Variants in MTUS2 observed in about 807,000 individuals in gnomAD.
The protein encoded by MTUS2 is microtubule associated scaffold protein 2, also known as microtubule-associated tumor suppressor candidate 2.
Under a neutral mutation model 114.1 loss-of-function variants are expected in MTUS2, and 40 were observed. The ratio of observed to expected loss-of-function variants is 0.35; its 90% CI spans 0.27 to 0.46. The LOEUF is 0.46. Among genes scored for constraint, MTUS2 ranks in the 20% least tolerant of loss-of-function variants. The pLI is 1.00. For missense variants in MTUS2, 1,679 were observed against 1,705.4 expected (o/e 0.98, Z 0.27); for synonymous variants, 688 against 672.0 (o/e 1.02, Z -0.37).
intron 2 of MTUS2, among the ~76,000 whole-genome samples, chr13:28,945,537 A>G (rs967575712): frequency 1.3e-5 from 2 of 152,124 alleles, no homozygotes; most frequent in Admixed American, 6.5e-5. Context: ...GTGTAAGATG[A>G]TATCTCAGTG....
intron 4 of MTUS2, among the ~76,000 whole-genome samples, chr13:29,058,547 TTTCTC>T (rs1403836147): frequency 1.3e-5 from 2 of 149,490 alleles, no homozygotes; most frequent in East Asian, 2.0e-4. Context: ...CTGAGATTCT[TTTCTC>T]AGCCAGGTTG....
chr13:29,329,504 G>A (rs1900674281), intron 7 of MTUS2, among the ~76,000 whole-genome samples: 1 of 151,990 alleles, frequency 6.6e-6, no homozygotes, highest in Non-Finnish European at 1.5e-5. Context: ...ATTCCATGGT[G>A]TATATGTCTC....
intron 2 of MTUS2, among the ~76,000 whole-genome samples, chr13:29,018,006 C>T (rs1886137350): frequency 6.6e-6 from 1 of 152,174 alleles, no homozygotes; most frequent in Admixed American, 6.5e-5. Context: ...AAGGAAAGAT[C>T]TGTGGATTCA....
At chr13:29,003,924 C>T (rs1593374557) in intron 2 of MTUS2, among the ~76,000 whole-genome samples, 1 of 152,284 alleles carries the variant, frequency 6.6e-6, no homozygotes, top group Non-Finnish European at 1.5e-5. Context: ...GTCTTCATGT[C>T]ATGTGTTTCA....
intron 2 of MTUS2, among the ~76,000 whole-genome samples, chr13:28,938,419 T>A (rs12585486): frequency 0.14 from 20,613 of 151,898 alleles, 1,522 homozygotes; most frequent in South Asian, 0.21. Flanking sequence ...CCTAAAGAAT[T>A]TGCTAAAAAA....
intron 5 of MTUS2, among the ~76,000 whole-genome samples, chr13:29,211,016 C>A (rs1443960367): frequency 6.6e-6 from 1 of 152,084 alleles, no homozygotes; most frequent in African/African-American, 2.4e-5. Flanking sequence ...TGGTGATGGG[C>A]AGGGCCATAG....
At chr13:29,206,232 G>A (rs1895179532) in intron 5 of MTUS2, among the ~76,000 whole-genome samples, 1 of 152,120 alleles carries the variant, frequency 6.6e-6, no homozygotes, top group Non-Finnish European at 1.5e-5. Context: ...GTCTATTCAT[G>A]TCTTTAGCCC....
At chr13:29,221,019 G>A (rs909204685) in intron 5 of MTUS2, among the ~76,000 whole-genome samples, 47 of 152,196 alleles carry the variant, frequency 3.1e-4, no homozygotes, top group African/African-American at 1.1e-3. Flanking sequence ...AACAATAGAG[G>A]TGTGAATATC....
chr13:28,904,768 T>G (rs1879877366), intron 2 of MTUS2, among the ~76,000 whole-genome samples: 2 of 152,286 alleles, frequency 1.3e-5, no homozygotes, highest in South Asian at 4.1e-4. Context: ...AACTTTAAAG[T>G]AGTTTTTTCC....
intron 5 of MTUS2, among the ~76,000 whole-genome samples, chr13:29,159,897 A>T (rs868070581): frequency 3.9e-5 from 6 of 152,234 alleles, no homozygotes; most frequent in African/African-American, 1.2e-4. Context: ...GCCGGTGAGA[A>T]TGTGAAATGG....
intron 6 of MTUS2, among the ~76,000 whole-genome samples, chr13:29,284,978 T>C (rs1334332137): frequency 6.6e-6 from 1 of 151,822 alleles, no homozygotes; most frequent in Non-Finnish European, 1.5e-5. Flanking sequence ...GGACAAGAAA[T>C]GTAGATCCTA....
chr13:29,031,408 A>G (rs557472357), intron 3 of MTUS2, among the ~76,000 whole-genome samples: 1 of 147,676 alleles, frequency 6.8e-6, no homozygotes, highest in Non-Finnish European at 1.5e-5. Context: ...CATAATCTCT[A>G]TATATATATA....
intron 8 of MTUS2, among the ~76,000 whole-genome samples, chr13:29,384,522 A>T (rs1430673626): frequency 6.6e-6 from 1 of 152,216 alleles, no homozygotes; most frequent in Non-Finnish European, 1.5e-5. Context: ...CTGGATTCTG[A>T]ATTCCCATGT....
chr13:29,471,741 A>ATCCC (rs1880316161), intron 9 of MTUS2, among the ~76,000 whole-genome samples: 1 of 120,876 alleles, frequency 8.3e-6, no homozygotes, highest in African/African-American at 3.2e-5. Context: ...CTGCAGGCCC[A>ATCCC]GCCCCCCCCG....
At chr13:29,343,161 A>T (rs534898159) in intron 7 of MTUS2, among the ~76,000 whole-genome samples, 54 of 149,412 alleles carry the variant, frequency 3.6e-4, no homozygotes, top group Middle Eastern at 3.5e-3. Context: ...TATTAGGGTG[A>T]TAGTGGCTTC....
intron 6 of MTUS2, among the ~76,000 whole-genome samples, chr13:29,306,613 A>G (rs954267583): frequency 3.9e-5 from 6 of 152,234 alleles, no homozygotes; most frequent in African/African-American, 1.2e-4. Flanking sequence ...GGAAAACTAC[A>G]TACCACTGCT....
intron 9 of MTUS2, among the ~76,000 whole-genome samples, chr13:29,469,126 C>G (rs994505620): frequency 2.6e-5 from 4 of 152,220 alleles, no homozygotes; most frequent in Admixed American, 2.6e-4. Flanking sequence ...CCTGAGAGGC[C>G]TGTGCCTTGC....
chr13:29,207,785 G>A (rs1210282980), intron 5 of MTUS2, among the ~76,000 whole-genome samples: 1 of 152,026 alleles, frequency 6.6e-6, no homozygotes, highest in Non-Finnish European at 1.5e-5. Flanking sequence ...ACTTGATCAT[G>A]GTGGATTACC....
rs187958594 is a variant in MTUS2, at chr13:29,071,044, G to A, written c.2447-29729G>A. Among the ~76,000 whole-genome samples, 14 of 146,632 alleles carry A rather than the reference G, an allele frequency of 9.5e-5. No individual in the cohort carries two copies. The South Asian group carries it at 1.2e-3, about 12-fold the overall frequency. On this transcript the variant is annotated intron_variant, in intron 4 of 15. Coordinates refer to ENST00000612955, the MANE Select transcript of MTUS2 (RefSeq NM_001033602.4). Reference sequence around the variant, plus strand: ...TTTTGAGACAGAGTCTCATTCTGTCGCCCAGGCTGGAGTGTAGTGGTGCTA... The same window carrying A: ...TTTTGAGACAGAGTCTCATTCTGTCACCCAGGCTGGAGTGTAGTGGTGCTA...
Sources: allele counts gnomAD v4.1 joint callset (sites outside exome capture counted in the v4.1 genomes callset), GRCh38; gene constraint gnomAD v4.1.1; transcripts MANE v1.5; gene names NCBI Gene and HGNC (gene_info 2026-07-23, HGNC 2026-07-21).